PFN4: variants seen among roughly 807,000 people sequenced by gnomAD.
PFN4 encodes profilin-4.
Under a neutral mutation model 16.3 loss-of-function variants are expected in PFN4, and 10 were observed. The ratio of observed to expected loss-of-function variants is 0.61; its 90% CI spans 0.38 to 1.04. PFN4 has a LOEUF of 1.04. PFN4 is among the 50% of genes least tolerant of loss of function. PFN4 has a pLI of 0.01. For missense variants in PFN4, 136 were observed against 153.6 expected (o/e 0.89, Z 0.61); for synonymous variants, 54 against 56.9 (o/e 0.95, Z 0.23).
At chr2:24,120,116 A>G (rs1666056748) in intron 3 of PFN4, among the ~76,000 whole-genome samples, 1 of 152,086 alleles carries the variant, frequency 6.6e-6, no homozygotes, top group Non-Finnish European at 1.5e-5. Context: ...TAAAAATACA[A>G]AAATTAGCCA....
Position 24,115,580 on chromosome 2 carries a change from G to C in PFN4, c.*3C>G. ...AAATTGTCTTTCATGGGCCTCTGAT[G>C]ACTTAACTTCCTTTTTTTCTTAGGT... On this transcript the variant is annotated 3_prime_UTR_variant, in exon 5 of 5. Transcript: ENST00000313213. 6.2e-7 allele frequency: 1 copy of C among 1,611,388 alleles called. No individual in the cohort carries two copies. Among genetic ancestry groups the C allele is most frequent in the Non-Finnish European group, 8.5e-7 (1 of 1,178,952 alleles).
At position 24,122,543 on chromosome 2, in the gene PFN4, C is replaced by A; in HGVS notation, c.-8G>T. The A allele has an allele frequency of 1.3e-6, 2 of 1,591,538 alleles. No individual in the cohort carries two copies. Among genetic ancestry groups the A allele is most frequent in the Non-Finnish European group, 1.7e-6 (2 of 1,161,036 alleles). On this transcript the variant is annotated 5_prime_UTR_variant, in exon 2 of 5. Coordinates refer to ENST00000313213, the MANE Select transcript of PFN4 (RefSeq NM_199346.3). ...GCTCTGCAAATGGCTCATGTTCCCT[C>A]AACTCTGAAAGGGAAAGTGCAGTTG...
chr2:24,116,182 G>T (rs1224503587), intron 4 of PFN4, among the ~76,000 whole-genome samples: 3 of 151,996 alleles, frequency 2.0e-5, no homozygotes, highest in Non-Finnish European at 4.4e-5. Flanking sequence ...CAAAAAATTA[G>T]CCAGGCATGG....
At chr2:24,119,320 A>C (rs1007083711) in intron 4 of PFN4, among the ~76,000 whole-genome samples, 6 of 152,190 alleles carry the variant, frequency 3.9e-5, no homozygotes, top group African/African-American at 1.4e-4. Context: ...GAAAGGAAAC[A>C]GTTTGCTATG....
chr2:24,115,480 G>A lies in PFN4; in HGVS notation c.*103C>T. On this transcript the variant is annotated 3_prime_UTR_variant, in exon 5 of 5. Coordinates refer to ENST00000313213, the MANE Select transcript of PFN4 (RefSeq NM_199346.3). ...TCCCTTAATTCATTCTTCTTTTTTAGTGCCTTCTGTCTAGTGTTTTTTCAA... is the reference window on the plus strand; with the variant it reads ...TCCCTTAATTCATTCTTCTTTTTTAATGCCTTCTGTCTAGTGTTTTTTCAA... 1.0e-6 allele frequency: 1 copy of A among 967,446 alleles called. No individual in the cohort carries two copies. The highest frequency in any genetic ancestry group is 1.6e-6 in the Non-Finnish European group (1 of 641,798). The allele number at this position is 967,446 out of a possible 1,614,324, so 59.9% of individuals were successfully genotyped here. A position where few individuals can be genotyped will look rare whatever the true frequency, so the allele number is the denominator to read the frequency against.
intron 3 of PFN4, among the ~76,000 whole-genome samples, chr2:24,120,868 ATC>A (rs1666090713): frequency 6.7e-6 from 1 of 149,142 alleles, no homozygotes; most frequent in Non-Finnish European, 1.5e-5. Context: ...AGAAATGATT[ATC>A]TCTTTTTTTT....
chr2:24,121,861 A>C (rs970598661), intron 2 of PFN4, among the ~76,000 whole-genome samples: 3 of 152,182 alleles, frequency 2.0e-5, no homozygotes, highest in African/African-American at 7.2e-5. Flanking sequence ...CATGAGTGGA[A>C]GCAGCCTGAG....
chr2:24,120,225 T>C (rs1016700978), intron 3 of PFN4, among the ~76,000 whole-genome samples: 2 of 151,554 alleles, frequency 1.3e-5, no homozygotes, highest in Admixed American at 1.3e-4. Context: ...GCCGAGATCG[T>C]GCCATTGCAC....
chr2:24,122,340 A>AAT, intron 2 of PFN4, 79 bp downstream of exon 2: 1 of 1,080,198 alleles, frequency 9.3e-7, no homozygotes, highest in Non-Finnish European at 1.4e-6. Context: ...AAAAAAAAAA[A>AAT]GTCATGTCTG....
chr2:24,120,283 C>CAACAACAA (rs1558378508), intron 3 of PFN4, among the ~76,000 whole-genome samples: 5 of 150,848 alleles, frequency 3.3e-5, no homozygotes, highest in African/African-American at 4.9e-5. Context: ...AAAAAAACAA[C>CAACAACAA]AACAAAACAA....
rs996366722 is a variant in PFN4 at position 24,115,213 on chromosome 2, T to C, written c.*370A>G. Reference sequence around the variant, plus strand: ...ACATCCCTTCATTTTTCAAGGTTGCTTGCTGCAACCTAACCCTGAGAAATG... The same window carrying C: ...ACATCCCTTCATTTTTCAAGGTTGCCTGCTGCAACCTAACCCTGAGAAATG... On this transcript the variant is annotated 3_prime_UTR_variant, in exon 5 of 5. Coordinates refer to ENST00000313213, the MANE Select transcript of PFN4 (RefSeq NM_199346.3). Among the ~76,000 whole-genome samples, 3 of 152,218 alleles carry C rather than the reference T, an allele frequency of 2.0e-5. No individual in the cohort carries two copies. Among genetic ancestry groups the C allele is most frequent in the South Asian group, 2.1e-4 (1 of 4,832 alleles).
intron 4 of PFN4, among the ~76,000 whole-genome samples, chr2:24,119,295 CATG>C (rs1453312024): frequency 1.3e-5 from 2 of 152,074 alleles, no homozygotes; most frequent in Non-Finnish European, 2.9e-5. Context: ...GAGGCTTGGC[CATG>C]ATATCAGCCA....
intron 4 of PFN4, among the ~76,000 whole-genome samples, chr2:24,119,293 G>A (rs1666022768): frequency 6.6e-6 from 1 of 152,096 alleles, no homozygotes; most frequent in Non-Finnish European, 1.5e-5. Context: ...GGGAGGCTTG[G>A]CCATGATATC....
intron 2 of PFN4, 102 bp from the exon 3 acceptor site, chr2:24,121,402 G>T: frequency 8.8e-7 from 1 of 1,135,344 alleles, no homozygotes; most frequent in Non-Finnish European, 1.2e-6. Flanking sequence ...AGCTAAGAAT[G>T]GTTTTCATGT....
Position 24,115,324 on chromosome 2 carries a change from C to T in PFN4, c.*259G>A. 2.2e-6 allele frequency: 1 copy of T among 452,210 alleles called. No homozygotes were observed. Among genetic ancestry groups the T allele is most frequent in the Non-Finnish European group, 4.0e-6 (1 of 247,726 alleles). 28.0% of individuals were successfully genotyped at this position (452,210 alleles called of 1,614,324 possible). A position where few individuals can be genotyped will look rare whatever the true frequency, so the allele number is the denominator to read the frequency against. ...GTACAAGAGCCTCACAGAAAGGAGCCTCCCAATAGATATGCTCTGTGAAAT... is the reference window on the plus strand; with the variant it reads ...GTACAAGAGCCTCACAGAAAGGAGCTTCCCAATAGATATGCTCTGTGAAAT... On this transcript the variant is annotated 3_prime_UTR_variant, in exon 5 of 5. Coordinates refer to ENST00000313213, the MANE Select transcript of PFN4 (RefSeq NM_199346.3).
chr2:24,116,856 G>C (rs988213244), intron 4 of PFN4, among the ~76,000 whole-genome samples: 1 of 148,168 alleles, frequency 6.7e-6, no homozygotes, highest in South Asian at 2.1e-4. Context: ...TAGCCTGGCT[G>C]ATAGAATGAA....
chr2:24,115,500 T>A lies in PFN4; in HGVS notation c.*83A>T. On this transcript the variant is annotated 3_prime_UTR_variant, in exon 5 of 5. Transcript: ENST00000313213. ...TTTTAGTGCCTTCTGTCTAGTGTTT[T>A]TTCAACCATAAAATATTTTTTCTTT... 7.7e-7 allele frequency: 1 copy of A among 1,291,026 alleles called. No individual in the cohort carries two copies. The highest frequency in any genetic ancestry group is 1.1e-6 in the Non-Finnish European group (1 of 913,956). The allele number at this position is 1,291,026 out of a possible 1,614,324, so 80.0% of individuals were successfully genotyped here.
chr2:24,118,877 C>T (rs1228005244), intron 4 of PFN4, among the ~76,000 whole-genome samples: 1 of 152,132 alleles, frequency 6.6e-6, no homozygotes, highest in African/African-American at 2.4e-5. Flanking sequence ...CTAGAGGCTT[C>T]TGTTTCAAAG....
At chr2:24,115,721 C>G in intron 4 of PFN4, 110 bp from the exon 5 acceptor site, 1 of 1,193,968 alleles carries the variant, frequency 8.4e-7, no homozygotes. Flanking sequence ...CTGCCATGTG[C>G]TAGGCACTGT....
Sources: gnomAD v4.1 joint callset for allele counts (sites outside exome capture counted in the v4.1 genomes callset) on GRCh38, gnomAD v4.1.1 for gene constraint, MANE v1.5 for transcripts, NCBI Gene and HGNC (gene_info 2026-07-23, HGNC 2026-07-21) for gene names.